The following IKZF2 variants were observed in gnomAD, a reference collection of about 807,000 sequenced individuals.
IKZF2 encodes zinc finger protein Helios.
Under a neutral mutation model 49.2 loss-of-function variants are expected in IKZF2, and 15 were observed. The ratio of observed to expected loss-of-function variants is 0.30; its 90% CI spans 0.20 to 0.47. The LOEUF is 0.47. IKZF2 is among the 20% of genes least tolerant of loss of function. The pLI, the probability that IKZF2 is intolerant of heterozygous loss-of-function variation, is 1.00. For missense variants in IKZF2, 567 were observed against 664.6 expected (o/e 0.85, Z 1.61); for synonymous variants, 227 against 221.4 (o/e 1.03, Z -0.23).
In IKZF2 at chr2:213,056,771, G is replaced by A. The variant is rs747965026; in HGVS notation, c.406+62C>T. 20 of 1,585,354 alleles carry A rather than the reference G, an allele frequency of 1.3e-5. No homozygotes were observed. In the Admixed American group the frequency reaches 2.3e-4, roughly 19 times the overall value. On this transcript the variant is annotated intron_variant, in intron 5 of 8. Coordinates refer to ENST00000434687, the MANE Select transcript of IKZF2 (RefSeq NM_001387220.1). The stretch of plus-strand genomic sequence containing the variant: ...TGAATAAAAAGGAAAGAGAATAGAT[G>A]TCAGGTAATATCAACATCAGATGTC...
intron 4 of IKZF2, among the ~76,000 whole-genome samples, chr2:213,066,274 A>G (rs1246727280): frequency 6.6e-6 from 1 of 152,096 alleles, no homozygotes; most frequent in African/African-American, 2.4e-5. Context: ...TGGCGGCTCA[A>G]CAGAAAGAGA....
At chr2:213,062,224 T>A (rs1385000650) in intron 4 of IKZF2, among the ~76,000 whole-genome samples, 7 of 151,638 alleles carry the variant, frequency 4.6e-5, no homozygotes, top group African/African-American at 1.7e-4. Flanking sequence ...ACTGAAAATA[T>A]CAATTTAAGA....
intron 4 of IKZF2, among the ~76,000 whole-genome samples, chr2:213,098,666 G>A (rs1706292244): frequency 1.3e-5 from 2 of 152,036 alleles, no homozygotes; most frequent in Non-Finnish European, 1.5e-5. Context: ...ACAGACAGCA[G>A]GAAAAAAAAT....
intron 4 of IKZF2, among the ~76,000 whole-genome samples, chr2:213,077,016 A>T: frequency 6.6e-6 from 1 of 152,334 alleles, no homozygotes; most frequent in South Asian, 2.1e-4. Flanking sequence ...AGAATAAAAG[A>T]TTGTTACACA....
Position 213,057,009 on chromosome 2 carries a change from C to A in IKZF2, c.230G>T (p.Gly77Val). The change falls in exon 5 of 9, where the codon GGT (glycine) becomes GTT (valine). Residue 77 changes from glycine to valine, a missense_variant. Transcript: ENST00000434687. ...AATTAGGGGTTCTTCTAGGCTGCTACCCTCATCATGGCCCCTGATCTCATC... is the reference window on the plus strand; with the variant it reads ...AATTAGGGGTTCTTCTAGGCTGCTAACCTCATCATGGCCCCTGATCTCATC... ...REDEIRGHDEGSSLEEPLIES... is the reference protein window; with the variant it reads ...REDEIRGHDEVSSLEEPLIES... 6.2e-7 allele frequency: 1 copy of A among 1,613,924 alleles called. No homozygotes were observed. Among genetic ancestry groups the A allele is most frequent in the Non-Finnish European group, 8.5e-7 (1 of 1,179,920 alleles).
At chr2:213,139,866 A>G (rs2060805939) in intron 4 of IKZF2, among the ~76,000 whole-genome samples, 1 of 152,016 alleles carries the variant, frequency 6.6e-6, no homozygotes, top group African/African-American at 2.4e-5. Context: ...AAAGGTGAGA[A>G]GCAGCTCATT....
chr2:213,071,388 G>A, intron 4 of IKZF2, among the ~76,000 whole-genome samples: 1 of 152,114 alleles, frequency 6.6e-6, no homozygotes, highest in East Asian at 1.9e-4. Flanking sequence ...AGAATCTGCA[G>A]AGAAAAGGAA....
intron 4 of IKZF2, among the ~76,000 whole-genome samples, chr2:213,071,901 A>G: frequency 6.6e-6 from 1 of 151,930 alleles, no homozygotes. Flanking sequence ...ACCTAAAAAT[A>G]TTAAAATGAA....
intron 7 of IKZF2, among the ~76,000 whole-genome samples, chr2:213,019,280 T>C (rs1178265027): frequency 6.6e-6 from 1 of 152,152 alleles, no homozygotes; most frequent in East Asian, 1.9e-4. Flanking sequence ...GCAACCAAAA[T>C]GACAGCAACT....
At chr2:213,117,581 A>G (rs2059917134) in intron 4 of IKZF2, among the ~76,000 whole-genome samples, 1 of 152,212 alleles carries the variant, frequency 6.6e-6, no homozygotes, top group African/African-American at 2.4e-5. Context: ...CAGGGGCTCT[A>G]ACAATTACTC....
At chr2:213,026,758 G>T (rs1487405269) in intron 6 of IKZF2, among the ~76,000 whole-genome samples, 1 of 151,754 alleles carries the variant, frequency 6.6e-6, no homozygotes, top group Non-Finnish European at 1.5e-5. Flanking sequence ...TTTATACACT[G>T]TTATTTTATA....
chr2:213,146,260 T>C (rs1335296575), intron 4 of IKZF2, among the ~76,000 whole-genome samples: 1 of 152,106 alleles, frequency 6.6e-6, no homozygotes, highest in African/African-American at 2.4e-5. Context: ...AAAAATTCTA[T>C]TGCCTAAATT....
chr2:213,145,670 C>T (rs2061031870), intron 4 of IKZF2, among the ~76,000 whole-genome samples: 2 of 152,038 alleles, frequency 1.3e-5, no homozygotes, highest in African/African-American at 4.8e-5. Context: ...CTCCATCTAA[C>T]ACCTAAGTGG....
At chr2:213,114,816 CAGCT>C (rs2059817884) in intron 4 of IKZF2, among the ~76,000 whole-genome samples, 1 of 151,754 alleles carries the variant, frequency 6.6e-6, no homozygotes, top group Non-Finnish European at 1.5e-5. Flanking sequence ...CCTGTAGTCC[CAGCT>C]ACTCAGGAGG....
rs1354129335 is a variant in IKZF2 at position 213,003,323 on chromosome 2, A to G, written c.*4037T>C. The stretch of plus-strand genomic sequence containing the variant: ...AAAATATGTCTAAGATAACTTTCAT[A>G]TACACAAACTTCAATTTCACCTCTT... On this transcript the variant is annotated 3_prime_UTR_variant, in exon 9 of 9. Transcript: ENST00000434687. 4 of 152,084 alleles carry G rather than the reference A, an allele frequency of 2.6e-5. No homozygotes were observed. The highest frequency in any genetic ancestry group is 1.5e-5 in the Non-Finnish European group (1 of 67,678). The allele number at this position is 152,084 out of a possible 1,614,324, so 9.4% of individuals were successfully genotyped here.
chr2:213,144,613 T>G (rs553637312), intron 4 of IKZF2, among the ~76,000 whole-genome samples: 1 of 151,924 alleles, frequency 6.6e-6, no homozygotes, highest in Admixed American at 6.6e-5. Flanking sequence ...AGTCCCAGAT[T>G]CTATTTTTAA....
chr2:213,044,401 A>T (rs1699958664), intron 6 of IKZF2, among the ~76,000 whole-genome samples: 1 of 152,174 alleles, frequency 6.6e-6, no homozygotes, highest in Non-Finnish European at 1.5e-5. Context: ...CCTGACTGAT[A>T]AAGAGTTACT....
chr2:213,076,743 T>G (rs1362043193), intron 4 of IKZF2, among the ~76,000 whole-genome samples: 1 of 152,176 alleles, frequency 6.6e-6, no homozygotes, highest in African/African-American at 2.4e-5. Context: ...AACTTCCAAA[T>G]TCTACATCCA....
intron 4 of IKZF2, among the ~76,000 whole-genome samples, chr2:213,119,096 A>G (rs993648147): frequency 1.6e-4 from 24 of 152,360 alleles, no homozygotes; most frequent in African/African-American, 5.3e-4. Context: ...GTTTGAATAA[A>G]GAAAGATTGT....
Sources: gnomAD v4.1 joint callset for allele counts (sites outside exome capture counted in the v4.1 genomes callset) on GRCh38, gnomAD v4.1.1 for gene constraint, MANE v1.5 for transcripts, NCBI Gene and HGNC (gene_info 2026-07-23, HGNC 2026-07-21) for gene names.